The following HDAC9 variants were observed in gnomAD, a reference collection of about 807,000 sequenced individuals.
HDAC9 encodes the protein MEF-2 interacting transcription repressor (MITR) protein.
Under a neutral mutation model 139.4 loss-of-function variants are expected in HDAC9, and 41 were observed. The observed-to-expected ratio is 0.29, with a 90% CI of 0.23 to 0.38. HDAC9 has a LOEUF of 0.38. Among genes scored for constraint, HDAC9 ranks in the 10% least tolerant of loss-of-function variants. The pLI, the probability that HDAC9 is intolerant of heterozygous loss-of-function variation, is 1.00. For synonymous variants in HDAC9, 517 were observed against 476.2 expected, an observed-to-expected ratio of 1.09 and a Z score of -1.12; for missense variants, 1,147 against 1,297.0, an observed-to-expected ratio of 0.88 and a Z score of 1.78.
At chr7:18,641,078 C>G (rs965181053) in intron 8 of HDAC9, among the ~76,000 whole-genome samples, 1 of 152,070 alleles carries the variant, frequency 6.6e-6, no homozygotes, top group Non-Finnish European at 1.5e-5. Context: ...GTCCATTTTT[C>G]TAATTATACC....
In HDAC9 at chr7:18,776,530, G is replaced by T. The variant is rs144465963; in HGVS notation, c.2214+9375G>T. 1.1e-4 allele frequency among the ~76,000 whole-genome samples: 16 copies of T among 152,114 alleles called. 1 individual carries two copies. Among genetic ancestry groups the T allele is most frequent in the African/African-American group, 3.6e-4 (15 of 41,514 alleles). ...AAACAGAAAACGTTTTATCCTACTG[G>T]AACTTATATTCCAGTTGAGGAGACA... On this transcript the variant is annotated intron_variant, in intron 16 of 25. Coordinates refer to ENST00000686413, the MANE Select transcript of HDAC9 (RefSeq NM_178425.4).
chr7:18,539,199 T>A (rs1339625342), intron 2 of HDAC9, among the ~76,000 whole-genome samples: 2 of 152,158 alleles, frequency 1.3e-5, no homozygotes, highest in Admixed American at 6.5e-5. Context: ...CAGTGATAAG[T>A]CATGTGGCTC....
chr7:18,364,156 G>A (rs534691523), intron 1 of HDAC9, among the ~76,000 whole-genome samples: 1 of 152,124 alleles, frequency 6.6e-6, no homozygotes, highest in Non-Finnish European at 1.5e-5. Context: ...CTTGCTCATG[G>A]CTTCTTGAAC....
In HDAC9 at chr7:18,438,693, CTG is replaced by C. The variant is rs367824633; in HGVS notation, c.-41-57556_-41-57555del. 6.3e-3 allele frequency among the ~76,000 whole-genome samples: 936 copies of C among 147,594 alleles called. 10 individuals carry two copies. The highest frequency in any genetic ancestry group is 9.6e-3 in the Admixed American group (142 of 14,778). Reference sequence around the variant, plus strand: ...GTGTGTGTAACATTATATAATGTGTCTGTGTGTGTGTGTGGTGCATGTGTGTA... The same window carrying C: ...GTGTGTGTAACATTATATAATGTGTCTGTGTGTGTGTGGTGCATGTGTGTA... On this transcript the variant is annotated intron_variant, in intron 1 of 3. Transcript: ENST00000413509.
Position 18,229,814 on chromosome 7 carries a change from A to G in HDAC9, c.25+67465A>G, listed in dbSNP as rs1793329355. Among the ~76,000 whole-genome samples, 3 of 152,190 alleles carry G rather than the reference A, an allele frequency of 2.0e-5. No homozygotes were observed. The South Asian group carries it at 6.2e-4, about 31-fold the overall frequency. On this transcript the variant is annotated intron_variant, in intron 2 of 12. Transcript: ENST00000417496. ...GAAAAAATCATGGAAAGCATGATTC[A>G]AAGATCAAATTCTTCAATTTGATGA...
At chr7:18,812,468 C>T (rs1794249579) in intron 17 of HDAC9, among the ~76,000 whole-genome samples, 1 of 151,904 alleles carries the variant, frequency 6.6e-6, no homozygotes, top group African/African-American at 2.4e-5. Flanking sequence ...ACTATGTTGA[C>T]AGTTATTTCA....
At chr7:18,294,830 G>A (rs756160163) in intron 1 of HDAC9, among the ~76,000 whole-genome samples, 3 of 152,132 alleles carry the variant, frequency 2.0e-5, no homozygotes, top group Non-Finnish European at 4.4e-5. Flanking sequence ...GTCCAAAAAT[G>A]ATGGCCACTT....
intron 2 of HDAC9, among the ~76,000 whole-genome samples, chr7:18,285,013 T>C (rs1176796558): frequency 1.3e-5 from 2 of 152,122 alleles, no homozygotes; most frequent in African/African-American, 2.4e-5. Flanking sequence ...CTTCACTTTA[T>C]CAAGGAGAAA....
rs532129384 is a variant in HDAC9, at chr7:18,775,736, C to G, written c.2214+8581C>G. Among the ~76,000 whole-genome samples the G allele has an allele frequency of 9.2e-5, 14 of 151,672 alleles. No homozygotes were observed. In the South Asian group the frequency reaches 2.5e-3, roughly 27 times the overall value. ...CTCATGTATCTTGTCATACCTATCACTTAGACTCTGCATTGATTTTCTTCT... is the reference window on the plus strand; with the variant it reads ...CTCATGTATCTTGTCATACCTATCAGTTAGACTCTGCATTGATTTTCTTCT... On this transcript the variant is annotated intron_variant, in intron 16 of 25. Coordinates refer to ENST00000686413, the MANE Select transcript of HDAC9 (RefSeq NM_178425.4).
intron 1 of HDAC9, among the ~76,000 whole-genome samples, chr7:18,466,757 A>G (rs1010289081): frequency 3.3e-5 from 5 of 152,166 alleles, no homozygotes; most frequent in Non-Finnish European, 4.4e-5. Context: ...CATTCAACGA[A>G]GTAAGACTAG....
chr7:18,501,687 A>G (rs920008728), intron 2 of HDAC9, among the ~76,000 whole-genome samples: 3 of 152,132 alleles, frequency 2.0e-5, no homozygotes, highest in African/African-American at 7.2e-5. Flanking sequence ...GAAATAAGGA[A>G]AGATGCTGTG....
At chr7:18,573,129 T>G (rs1824848159) in intron 2 of HDAC9, among the ~76,000 whole-genome samples, 1 of 152,230 alleles carries the variant, frequency 6.6e-6, no homozygotes, top group Admixed American at 6.5e-5. Context: ...AAGCCCAGGT[T>G]GCTTTTTGCA....
At chr7:18,967,448 T>C (rs143724443) in intron 24 of HDAC9, among the ~76,000 whole-genome samples, 91 of 152,054 alleles carry the variant, frequency 6.0e-4, no homozygotes, top group Non-Finnish European at 1.0e-3. Context: ...TATTCTATAT[T>C]TTTCATTCAA....
chr7:18,798,681 G>A (rs188845032), intron 17 of HDAC9, among the ~76,000 whole-genome samples: 10 of 152,258 alleles, frequency 6.6e-5, no homozygotes, highest in Non-Finnish European at 1.5e-4. Flanking sequence ...TTCACACAGT[G>A]TGAAAGCCTT....
intron 23 of HDAC9, among the ~76,000 whole-genome samples, chr7:18,953,172 C>T (rs141447243): frequency 6.6e-5 from 10 of 152,144 alleles, no homozygotes; most frequent in East Asian, 1.9e-4. Flanking sequence ...GCTTCCCATT[C>T]GTGCCATATT....
chr7:18,186,305 C>G (rs575754561), intron 2 of HDAC9, among the ~76,000 whole-genome samples: 1 of 152,276 alleles, frequency 6.6e-6, no homozygotes, highest in South Asian at 2.1e-4. Context: ...TTTACAGGGA[C>G]GTTTTCCAAA....
At chr7:18,767,691 T>G (rs1398012878) in intron 16 of HDAC9, among the ~76,000 whole-genome samples, 1 of 152,132 alleles carries the variant, frequency 6.6e-6, no homozygotes, top group African/African-American at 2.4e-5. Flanking sequence ...AGACCACATT[T>G]CAAGGACAAA....
rs529055327 is a variant in HDAC9, at chr7:18,920,450, T to A, written c.2804-15359T>A. Among the ~76,000 whole-genome samples, 178 of 152,250 alleles carry A rather than the reference T, an allele frequency of 1.2e-3. 4 individuals are homozygous for A. In the East Asian group the frequency reaches 0.032, roughly 27 times the overall value. Reference sequence around the variant, plus strand: ...CATGTCATCTGCAAACAGGGACAATTTGACTTCCTCTTTTCCTAATTGAAT... The same window carrying A: ...CATGTCATCTGCAAACAGGGACAATATGACTTCCTCTTTTCCTAATTGAAT... On this transcript the variant is annotated intron_variant, in intron 22 of 25. Transcript: ENST00000686413.
intron 12 of HDAC9, among the ~76,000 whole-genome samples, chr7:18,689,068 A>C (rs1782484125): frequency 1.3e-5 from 2 of 152,002 alleles, no homozygotes; most frequent in African/African-American, 4.8e-5. Flanking sequence ...GGAGCAGATA[A>C]ATTAAAAATA....
Sources: allele counts gnomAD v4.1 joint callset (sites outside exome capture counted in the v4.1 genomes callset), GRCh38; gene constraint gnomAD v4.1.1; transcripts MANE v1.5; gene names NCBI Gene and HGNC (gene_info 2026-07-23, HGNC 2026-07-21).